RFX4: variants seen among roughly 807,000 people sequenced by gnomAD.
RFX4 encodes regulatory factor X4, also known as transcription factor RFX4.
RFX4 carries 10 observed loss-of-function variants against 95.0 expected under a neutral mutation model. The ratio of observed to expected loss-of-function variants is 0.11; its 90% CI spans 0.06 to 0.18. The LOEUF (loss-of-function observed/expected upper bound fraction) is 0.18, where lower values mean the gene tolerates loss of function less well. RFX4 is among the 10% of genes least tolerant of loss of function. RFX4 has a pLI of 1.00. For missense variants in RFX4, 640 were observed against 922.0 expected, an observed-to-expected ratio of 0.69 and a Z score of 3.96; for synonymous variants, 321 against 340.7, an observed-to-expected ratio of 0.94 and a Z score of 0.64.
At chr12:106,649,068 G>A (rs1370201910) in intron 3 of RFX4, among the ~76,000 whole-genome samples, 8 of 151,946 alleles carry the variant, frequency 5.3e-5, no homozygotes, top group Non-Finnish European at 8.8e-5. Context: ...AGAAGATAAG[G>A]AAAATGGAAG....
chr12:106,726,540 A>T (rs192041408), intron 13 of RFX4, among the ~76,000 whole-genome samples: 244 of 152,332 alleles, frequency 1.6e-3, no homozygotes, highest in Non-Finnish European at 2.8e-3. Flanking sequence ...TAGTATTCCT[A>T]AAAAAGACAA....
chr12:106,732,871 A>G, intron 14 of RFX4, 53 bp from the exon 15 acceptor site: 3 of 1,553,742 alleles, frequency 1.9e-6, no homozygotes, highest in Non-Finnish European at 2.6e-6. Context: ...AGTCTTTTAG[A>G]GACACTTGCC....
intron 17 of RFX4, among the ~76,000 whole-genome samples, chr12:106,758,090 C>G (rs563919526): frequency 6.6e-6 from 1 of 152,328 alleles, no homozygotes; most frequent in South Asian, 2.1e-4. Flanking sequence ...CAAAAGGTGC[C>G]TTATTCCAGA....
chr12:106,697,106 T>G (rs1331780063), intron 8 of RFX4, among the ~76,000 whole-genome samples: 2 of 152,172 alleles, frequency 1.3e-5, no homozygotes, highest in African/African-American at 4.8e-5. Flanking sequence ...CACTGGGCTG[T>G]GTTCCCTTCC....
At chr12:106,620,802 G>C (rs756302460) in intron 2 of RFX4, among the ~76,000 whole-genome samples, 1 of 151,972 alleles carries the variant, frequency 6.6e-6, no homozygotes, top group African/African-American at 2.4e-5. Flanking sequence ...AACCACATAA[G>C]ACAGACACTC....
At chr12:106,690,471 C>CTGGCT (rs1277628804) in intron 7 of RFX4, among the ~76,000 whole-genome samples, 2 of 152,136 alleles carry the variant, frequency 1.3e-5, no homozygotes, top group Non-Finnish European at 2.9e-5. Context: ...CTGGCTAAGA[C>CTGGCT]AATACTAGCT....
intron 3 of RFX4, among the ~76,000 whole-genome samples, chr12:106,650,459 G>A (rs912774173): frequency 1.3e-5 from 2 of 152,194 alleles, no homozygotes; most frequent in African/African-American, 2.4e-5. Context: ...ATGGCCAGGC[G>A]CTGTGGCTCA....
chr12:106,660,021 T>C (rs1460594952), intron 4 of RFX4, among the ~76,000 whole-genome samples: 1 of 152,094 alleles, frequency 6.6e-6, no homozygotes, highest in African/African-American at 2.4e-5. Context: ...AGAAATGCTT[T>C]CCCAAATCTT....
intron 10 of RFX4, among the ~76,000 whole-genome samples, chr12:106,712,006 C>A (rs896449891): frequency 3.3e-5 from 5 of 152,144 alleles, no homozygotes; most frequent in Non-Finnish European, 7.3e-5. Flanking sequence ...CACTCCATGC[C>A]CCTATCAACT....
intron 1 of RFX4, among the ~76,000 whole-genome samples, chr12:106,584,543 G>C (rs1373909223): frequency 6.6e-6 from 1 of 152,152 alleles, no homozygotes; most frequent in African/African-American, 2.4e-5. Context: ...GAGCATGCAC[G>C]TCCTTTCCTT....
intron 15 of RFX4, among the ~76,000 whole-genome samples, chr12:106,737,905 G>A (rs1173712040): frequency 2.0e-5 from 3 of 152,208 alleles, no homozygotes; most frequent in African/African-American, 7.2e-5. Flanking sequence ...GAGGAAGAAT[G>A]TGATCAGGCT....
intron 15 of RFX4, among the ~76,000 whole-genome samples, chr12:106,746,355 CAAAAAAA>C (rs531874659): frequency 1.5e-5 from 1 of 67,284 alleles, no homozygotes; most frequent in Non-Finnish European, 3.2e-5. Context: ...GACTCCATCT[CAAAAAAA>C]AAAAAAAAAA....
Position 106,705,911 on chromosome 12 carries a change from C to A in RFX4, c.834-3419C>A, listed in dbSNP as rs1361275727. ...CAGTGATAAGCAAAACAGACATAGT[C>A]CCTGCCCTCTGCATGAAGGGTACAG... On this transcript the variant is annotated intron_variant, in intron 8 of 17. Transcript: ENST00000392842. Among the ~76,000 whole-genome samples the A allele has an allele frequency of 2.0e-5, 3 of 152,184 alleles. No individual in the cohort carries two copies. In the East Asian group the frequency reaches 5.8e-4, roughly 29 times the overall value.
intron 15 of RFX4, among the ~76,000 whole-genome samples, chr12:106,738,470 G>T (rs2042751354): frequency 6.6e-6 from 1 of 152,164 alleles, no homozygotes; most frequent in Non-Finnish European, 1.5e-5. Context: ...TGGCAGGTGT[G>T]ATAGACAAGG....
intron 1 of RFX4, among the ~76,000 whole-genome samples, chr12:106,607,864 T>TA (rs937511762): frequency 1.1e-4 from 16 of 150,894 alleles, no homozygotes; most frequent in East Asian, 9.8e-4. Flanking sequence ...GAAATTGGAT[T>TA]AAAAAAAAAC....
At chr12:106,598,046 G>A (rs1046217068) in intron 1 of RFX4, among the ~76,000 whole-genome samples, 4 of 152,146 alleles carry the variant, frequency 2.6e-5, no homozygotes, top group Non-Finnish European at 5.9e-5. Context: ...TTAAGATGAG[G>A]TAGACAGATT....
chr12:106,605,954 A>G (rs2039823151), intron 1 of RFX4, among the ~76,000 whole-genome samples: 1 of 152,054 alleles, frequency 6.6e-6, no homozygotes, highest in South Asian at 2.1e-4. Flanking sequence ...CCTTGCTTTC[A>G]TCTCTCTCCA....
At chr12:106,665,450 G>T (rs917741426) in intron 4 of RFX4, among the ~76,000 whole-genome samples, 1 of 151,760 alleles carries the variant, frequency 6.6e-6, no homozygotes, top group African/African-American at 2.4e-5. Context: ...GGCAATCTTT[G>T]TCTTTTAATT....
At chr12:106,716,147 C>T (rs917204050) in intron 11 of RFX4, among the ~76,000 whole-genome samples, 8 of 152,140 alleles carry the variant, frequency 5.3e-5, no homozygotes, top group African/African-American at 1.9e-4. Flanking sequence ...GGCCAGAGAA[C>T]AACATCATTG....
Sources: gnomAD v4.1 joint callset for allele counts (sites outside exome capture counted in the v4.1 genomes callset) on GRCh38, gnomAD v4.1.1 for gene constraint, MANE v1.5 for transcripts, NCBI Gene and HGNC (gene_info 2026-07-23, HGNC 2026-07-21) for gene names.